SPART: variants seen among roughly 807,000 people sequenced by gnomAD.
SPART encodes the protein spartin.
Under a neutral mutation model 58.7 loss-of-function variants are expected in SPART, and 35 were observed. The observed-to-expected ratio is 0.60, with a 90% confidence interval of 0.46 to 0.79. The LOEUF is 0.79. SPART is among the 30% of genes least tolerant of loss of function. The pLI, the probability that SPART is intolerant of heterozygous loss-of-function variation, is 0.00. For missense variants in SPART, 730 were observed against 786.1 expected (o/e 0.93, Z 0.85); for synonymous variants, 284 against 280.7 (o/e 1.01, Z -0.12).
intron 5 of SPART, among the ~76,000 whole-genome samples, chr13:36,319,524 A>C (rs375728114): frequency 6.6e-6 from 1 of 151,794 alleles, no homozygotes; most frequent in Non-Finnish European, 1.5e-5. Flanking sequence ...ACTCTCCTTA[A>C]AATTCCCCCA....
chr13:36,308,044 A>G (rs999659191), intron 8 of SPART, among the ~76,000 whole-genome samples: 1 of 152,166 alleles, frequency 6.6e-6, no homozygotes, highest in Admixed American at 6.5e-5. Flanking sequence ...CGATTTGAGT[A>G]CTCCACAAAT....
chr13:36,368,963 C>A (rs551724203), intron 1 of SPART, among the ~76,000 whole-genome samples: 149 of 152,306 alleles, frequency 9.8e-4, no homozygotes, highest in African/African-American at 3.4e-3. Context: ...CGTGCCACTG[C>A]ACTCCAGCCT....
chr13:36,367,322 T>A (rs560588364), intron 1 of SPART, among the ~76,000 whole-genome samples: 1 of 152,010 alleles, frequency 6.6e-6, no homozygotes, highest in South Asian at 2.1e-4. Flanking sequence ...GTGTAGAAAA[T>A]CATGGCACCC....
At chr13:36,366,832 T>C (rs1371177523) in intron 1 of SPART, among the ~76,000 whole-genome samples, 1 of 152,122 alleles carries the variant, frequency 6.6e-6, no homozygotes. Flanking sequence ...AACCATGGTG[T>C]TCCTCCACTC....
chr13:36,335,108 T>A lies in SPART; in HGVS notation c.723A>T (p.Ala241=). ...TTCGAAGGTACCCAGGATACGAAGG[T>A]GCACTAACCTCCCCTGCAGGATTTA... ...FFVNPAGEVS[A]PSYPGYLRIV... Residue 241 remains alanine (A), a synonymous_variant, in exon 2 of 9, where the codon GCA becomes GCT. Transcript: ENST00000438666. The A allele has an allele frequency of 6.2e-7, 1 of 1,614,118 alleles. No homozygotes were observed. The highest frequency in any genetic ancestry group is 1.3e-5 in the African/African-American group (1 of 75,030).
At chr13:36,337,419 G>A (rs1436187762) in intron 1 of SPART, among the ~76,000 whole-genome samples, 1 of 152,130 alleles carries the variant, frequency 6.6e-6, no homozygotes, top group Non-Finnish European at 1.5e-5. Flanking sequence ...GAGGGACCCC[G>A]TGGGAGATGA....
At chr13:36,339,447 C>T (rs1204302989) in intron 1 of SPART, among the ~76,000 whole-genome samples, 1 of 151,330 alleles carries the variant, frequency 6.6e-6, no homozygotes, top group Non-Finnish European at 1.5e-5. Flanking sequence ...CCAGCCTGAC[C>T]AATATGGTGA....
chr13:36,329,468 C>T lies in SPART; in HGVS notation c.1058G>A (p.Arg353Lys). The stretch of plus-strand genomic sequence containing the variant: ...TAGTTGGTCAGAGGAGGGTCTAGTT[C>T]TTCCAGGGATTTGGAATTCATTTTC... ...EEENEFQIPGRTRPSSDQLKE... is the reference protein window; with the variant it reads ...EEENEFQIPGKTRPSSDQLKE... The change falls in exon 4 of 9, where the codon AGA becomes AAA. Residue 353 changes from arginine to lysine, a missense_variant. Physicochemically the swap from Arg to Lys is conservative, Grantham distance 26. Coordinates refer to ENST00000438666, the MANE Select transcript of SPART (RefSeq NM_015087.5). 6.2e-7 allele frequency: 1 copy of T among 1,614,132 alleles called. No individual in the cohort carries two copies. The highest frequency in any genetic ancestry group is 2.2e-5 in the East Asian group (1 of 44,850).
chr13:36,343,508 T>C (rs1009047752), intron 1 of SPART, among the ~76,000 whole-genome samples: 1 of 152,196 alleles, frequency 6.6e-6, no homozygotes, highest in Non-Finnish European at 1.5e-5. Context: ...GGAAACTGCA[T>C]TCTTTTCAAC....
upstream of SPART, among the ~76,000 whole-genome samples, chr13:36,350,374 C>A (rs1323587411): frequency 1.3e-5 from 2 of 152,176 alleles, no homozygotes; most frequent in East Asian, 3.8e-4. Flanking sequence ...TGACATTTTC[C>A]ACTGGGCCAT....
chr13:36,356,701 G>A (rs184603601), intron 1 of SPART, among the ~76,000 whole-genome samples: 19 of 152,172 alleles, frequency 1.2e-4, no homozygotes, highest in East Asian at 1.2e-3. Context: ...GCTGCACCTC[G>A]ACCACCTTGG....
chr13:36,337,595 G>A (rs1054916624), intron 1 of SPART, among the ~76,000 whole-genome samples: 1 of 152,122 alleles, frequency 6.6e-6, no homozygotes, highest in Non-Finnish European at 1.5e-5. Context: ...ATGACTGTAA[G>A]TTTCCTGAGG....
intron 1 of SPART, chr13:36,345,681 G>A (rs1160477812): frequency 6.6e-6 from 1 of 152,198 alleles, no homozygotes; most frequent in African/African-American, 2.4e-5. Context: ...GGGATCCGCC[G>A]CGCAGCTCAA....
At position 36,304,539 on chromosome 13, in the gene SPART, G is replaced by C; in HGVS notation, c.1827C>G (p.Ile609Met). ...TTGCAGTTTTCTTCACCATTGCTTT[G>C]ATACCAATGTTGTTAATATTGTAGG... ...VTAYNINNIG[I>M]KAMVKKTATQ... The change falls in exon 9 of 9, where the codon ATC (isoleucine) becomes ATG (methionine). Residue 609 changes from isoleucine (I) to methionine (M), a missense_variant. By Grantham distance (10) the Ile-to-Met change is conservative. Transcript: ENST00000438666. 2 of 1,614,102 alleles carry C rather than the reference G, an allele frequency of 1.2e-6. No homozygotes were observed. The highest frequency in any genetic ancestry group is 1.1e-5 in the South Asian group (1 of 91,080).
At chr13:36,367,572 T>C (rs1318089154) in intron 1 of SPART, among the ~76,000 whole-genome samples, 1 of 152,096 alleles carries the variant, frequency 6.6e-6, no homozygotes, top group East Asian at 1.9e-4. Flanking sequence ...TCCCCTTTCC[T>C]TCTTGCCTAT....
At chr13:36,309,152 G>A (rs948222783) in intron 8 of SPART, among the ~76,000 whole-genome samples, 11 of 151,628 alleles carry the variant, frequency 7.3e-5, no homozygotes, top group African/African-American at 1.5e-4. Flanking sequence ...GCTGAGGCAG[G>A]AGAATGGTGT....
chr13:36,344,176 C>A (rs1414202380), intron 1 of SPART, among the ~76,000 whole-genome samples: 1 of 151,964 alleles, frequency 6.6e-6, no homozygotes, highest in Non-Finnish European at 1.5e-5. Context: ...CAGAGTGTCC[C>A]GTCGTAGAAA....
chr13:36,354,017 A>G (rs1336447847), intron 1 of SPART, among the ~76,000 whole-genome samples: 1 of 152,226 alleles, frequency 6.6e-6, no homozygotes, highest in Non-Finnish European at 1.5e-5. Flanking sequence ...TATGAAGTAG[A>G]GTAACCTTAG....
At position 36,303,476 on chromosome 13, in the gene SPART, A is replaced by T. The variant is rs546786255; in HGVS notation, c.*889T>A. ...TTTCCTTTTTAATAACTTGTCTTTT[A>T]ATATAAATTCCAATGACCGAATCCC... On this transcript the variant is annotated 3_prime_UTR_variant, in exon 9 of 9. Transcript: ENST00000438666. The T allele has an allele frequency of 2.1e-4, 32 of 152,120 alleles. No individual in the cohort carries two copies. Among genetic ancestry groups the T allele is most frequent in the Non-Finnish European group, 3.8e-4 (26 of 68,012 alleles). 9.4% of individuals were successfully genotyped at this position (152,120 alleles called of 1,614,324 possible).
Sources: gnomAD v4.1 joint callset for allele counts (sites outside exome capture counted in the v4.1 genomes callset) on GRCh38, gnomAD v4.1.1 for gene constraint, MANE v1.5 for transcripts, NCBI Gene and HGNC (gene_info 2026-07-23, HGNC 2026-07-21) for gene names.